Variants in SGK3 observed in about 807,000 individuals in gnomAD.
The protein encoded by SGK3 is serine/threonine-protein kinase Sgk3.
A neutral mutation model predicts 68.5 loss-of-function variants in SGK3; 47 were observed. The ratio of observed to expected loss-of-function variants is 0.69; its 90% CI spans 0.54 to 0.87. SGK3 has a LOEUF of 0.87. Ranked by LOEUF, SGK3 falls within the 40% of genes least tolerant of loss-of-function variation. SGK3 has a pLI of 0.00. For synonymous variants in SGK3, 181 were observed against 189.1 expected (o/e 0.96, Z 0.35); for missense variants, 479 against 575.5 (o/e 0.83, Z 1.72).
chr8:66,796,648 T>C (rs1446786068), intron 2 of SGK3, among the ~76,000 whole-genome samples: 1 of 152,118 alleles, frequency 6.6e-6, no homozygotes, highest in Non-Finnish European at 1.5e-5. Flanking sequence ...TGTAGTTCTA[T>C]ACCATGAAGC....
chr8:66,828,117 C>G (rs1034442472), intron 6 of SGK3, among the ~76,000 whole-genome samples: 6 of 151,322 alleles, frequency 4.0e-5, no homozygotes, highest in African/African-American at 1.5e-4. Context: ...GAGGGAGACT[C>G]CGTCTCAGAA....
chr8:66,843,893 C>T (rs998440269), intron 14 of SGK3, among the ~76,000 whole-genome samples: 2 of 144,830 alleles, frequency 1.4e-5, no homozygotes, highest in African/African-American at 2.5e-5. Context: ...GCTTAGGAGG[C>T]GGAGGCCCAA....
Position 66,793,600 on chromosome 8 carries a change from T to G in SGK3, c.-121-16T>G. ...GTTGTTTTGCTAATCACTTTTTTTT[T>G]TTTCTGTTGGTTAAGGTTGCATGAT... On this transcript the variant is annotated splice_polypyrimidine_tract_variant and intron_variant, in intron 1 of 16. Transcript: ENST00000521198. The G allele has an allele frequency of 1.3e-6, 1 of 743,754 alleles. No homozygotes were observed. The highest frequency in any genetic ancestry group is 2.7e-5 in the South Asian group (1 of 37,592). 46.1% of individuals were successfully genotyped at this position (743,754 alleles called of 1,614,324 possible). A position where few individuals can be genotyped will look rare whatever the true frequency, so the allele number is the denominator to read the frequency against.
intron 1 of SGK3, among the ~76,000 whole-genome samples, chr8:66,783,026 A>C (rs1022700959): frequency 3.9e-5 from 6 of 152,202 alleles, no homozygotes; most frequent in Non-Finnish European, 7.3e-5. Flanking sequence ...TATAGTAAGA[A>C]TATGTTTAGT....
intron 7 of SGK3, among the ~76,000 whole-genome samples, chr8:66,829,105 G>A: frequency 6.6e-6 from 1 of 151,992 alleles, no homozygotes; most frequent in Non-Finnish European, 1.5e-5. Context: ...TGTTTGGTGT[G>A]ATTGGTGCAC....
At position 66,828,648 on chromosome 8, in the gene SGK3, TCA is replaced by T. The variant is rs1258623921; in HGVS notation, c.418-3_418-2del. The T allele has an allele frequency of 1.9e-6, 3 of 1,613,752 alleles. No homozygotes were observed. The highest frequency in any genetic ancestry group is 2.5e-6 in the Non-Finnish European group (3 of 1,179,960). On this transcript the variant is annotated splice_region_variant and splice_polypyrimidine_tract_variant and intron_variant, in intron 6 of 16. Transcript: ENST00000521198. ...GAATGTTGTTTTTCTTTCCCCACCT[TCA>T]CAGCTACACTCTACCTCACAGAACA...
At chr8:66,810,216 C>T (rs982513185) in intron 4 of SGK3, among the ~76,000 whole-genome samples, 46 of 150,278 alleles carry the variant, frequency 3.1e-4, no homozygotes, top group Non-Finnish European at 5.8e-4. Context: ...TGATTTATTC[C>T]CCCCACACCA....
At chr8:66,827,630 C>T (rs1324454936) in intron 6 of SGK3, among the ~76,000 whole-genome samples, 2 of 152,022 alleles carry the variant, frequency 1.3e-5, no homozygotes, top group African/African-American at 2.4e-5. Context: ...GATAGGATTA[C>T]TAGATTAATC....
chr8:66,716,746 G>A (rs1158407381), intron 1 of SGK3, among the ~76,000 whole-genome samples: 1 of 152,142 alleles, frequency 6.6e-6, no homozygotes, highest in Non-Finnish European at 1.5e-5. Flanking sequence ...CATACATATA[G>A]GAAAGACCTA....
At chr8:66,744,481 GTGTATATATA>G (rs1176289887) in intron 1 of SGK3, among the ~76,000 whole-genome samples, 15 of 73,562 alleles carry the variant, frequency 2.0e-4, no homozygotes, top group African/African-American at 9.1e-4. Context: ...ATGTGTGTGT[GTGTATATATA>G]TATATATATA....
chr8:66,768,654 C>T (rs549711326), intron 1 of SGK3, among the ~76,000 whole-genome samples: 1 of 152,008 alleles, frequency 6.6e-6, no homozygotes, highest in East Asian at 1.9e-4. Context: ...AACCTCTGCC[C>T]CCCAGGTTCA....
chr8:66,839,376 C>CT (rs780097062), intron 10 of SGK3, among the ~76,000 whole-genome samples: 43 of 148,258 alleles, frequency 2.9e-4, no homozygotes, highest in Non-Finnish European at 5.5e-4. Context: ...CAGAGCTTAT[C>CT]TTTTTAAAAA....
At chr8:66,771,886 G>A (rs1350843336) in intron 1 of SGK3, among the ~76,000 whole-genome samples, 3 of 151,394 alleles carry the variant, frequency 2.0e-5, no homozygotes, top group Admixed American at 6.6e-5. Flanking sequence ...TTCCAAAAAA[G>A]TCTTACTTAA....
At chr8:66,757,953 A>G (rs1806033999) in intron 1 of SGK3, among the ~76,000 whole-genome samples, 1 of 148,698 alleles carries the variant, frequency 6.7e-6, no homozygotes, top group Non-Finnish European at 1.5e-5. Context: ...ACATATATAT[A>G]TATACACACA....
At chr8:66,804,568 A>G in intron 4 of SGK3, 121 bp downstream of exon 4, 3 of 1,015,544 alleles carry the variant, frequency 3.0e-6, no homozygotes, top group South Asian at 3.6e-5. Flanking sequence ...CTCTGTGAAA[A>G]TAATGCCGCA....
intron 1 of SGK3, among the ~76,000 whole-genome samples, chr8:66,719,613 T>A (rs1331573574): frequency 1.3e-5 from 2 of 152,202 alleles, no homozygotes; most frequent in Non-Finnish European, 2.9e-5. Context: ...GCCACTGTGC[T>A]GTGCCCATCC....
At chr8:66,818,044 A>G (rs1808664946) in intron 5 of SGK3, among the ~76,000 whole-genome samples, 3 of 152,196 alleles carry the variant, frequency 2.0e-5, no homozygotes, top group African/African-American at 4.8e-5. Context: ...ACCCGAGCCC[A>G]GGAGATCCAG....
At chr8:66,718,274 A>G (rs936455786) in intron 1 of SGK3, among the ~76,000 whole-genome samples, 4 of 136,512 alleles carry the variant, frequency 2.9e-5, no homozygotes, top group African/African-American at 1.1e-4. Context: ...ATCTGCCCAC[A>G]TCGGCCTCCC....
intron 1 of SGK3, among the ~76,000 whole-genome samples, chr8:66,742,282 C>G (rs1033648705): frequency 6.6e-6 from 1 of 152,136 alleles, no homozygotes; most frequent in Non-Finnish European, 1.5e-5. Context: ...GAAAAAAAAT[C>G]AAAATGAATA....
Sources: gnomAD v4.1 joint callset for allele counts (sites outside exome capture counted in the v4.1 genomes callset) on GRCh38, gnomAD v4.1.1 for gene constraint, MANE v1.5 for transcripts, NCBI Gene and HGNC (gene_info 2026-07-23, HGNC 2026-07-21) for gene names.